SOX6: variants seen among roughly 807,000 people sequenced by gnomAD.
The protein encoded by SOX6 is SRY-box transcription factor 6.
Under a neutral mutation model 97.8 loss-of-function variants are expected in SOX6, and 11 were observed. The ratio of observed to expected loss-of-function variants is 0.11; its 90% CI spans 0.07 to 0.19. The LOEUF is 0.19. SOX6 is among the 10% of genes least tolerant of loss of function. The pLI, the probability that SOX6 is intolerant of heterozygous loss-of-function variation, is 1.00. For synonymous variants in SOX6, 360 were observed against 371.4 expected, an observed-to-expected ratio of 0.97 and a Z score of 0.35; for missense variants, 810 against 1,039.5, an observed-to-expected ratio of 0.78 and a Z score of 3.04.
intron 3 of SOX6, among the ~76,000 whole-genome samples, chr11:16,280,478 A>C (rs1044819281): frequency 2.0e-5 from 3 of 151,950 alleles, no homozygotes; most frequent in Non-Finnish European, 4.4e-5. Flanking sequence ...TATAATTGCA[A>C]GTTGTCAGTC....
intron 1 of SOX6, among the ~76,000 whole-genome samples, chr11:16,422,403 A>G (rs964949418): frequency 1.5e-4 from 23 of 152,192 alleles, no homozygotes; most frequent in African/African-American, 4.8e-4. Context: ...TTCATTATTC[A>G]CCATCAACAA....
intron 3 of SOX6, among the ~76,000 whole-genome samples, chr11:16,637,696 G>C (rs1349964213): frequency 9.2e-5 from 14 of 152,120 alleles, no homozygotes; most frequent in Admixed American, 9.2e-4. Flanking sequence ...CTAAGAATGA[G>C]GGTGGGTATT....
Position 16,186,944 on chromosome 11 carries a change from T to A in SOX6, c.547A>T (p.Ser183Cys). 1 of 1,613,774 alleles carries A rather than the reference T, an allele frequency of 6.2e-7. No individual in the cohort carries two copies. The highest frequency in any genetic ancestry group is 1.1e-5 in the South Asian group (1 of 91,082). The change falls in exon 5 of 16, where the codon AGC (serine) becomes TGC (cysteine). Residue 183 changes from serine to cysteine, a missense_variant. Coordinates refer to ENST00000683767, the MANE Select transcript of SOX6 (RefSeq NM_001367873.1). ...AGCTGCCGTTCTTTTTCTGCCAGGC[T>A]CTCAGGTGTACCTAAAATGGAAGCA... ...LLGEIKGTPE[S>C]LAEKERQLST...
chr11:16,458,477 C>G (rs1224421864), intron 1 of SOX6, among the ~76,000 whole-genome samples: 2 of 152,058 alleles, frequency 1.3e-5, no homozygotes, highest in African/African-American at 4.8e-5. Context: ...TAAGCAATCA[C>G]TTGGGAAATA....
At chr11:16,275,520 C>G (rs1565063872) in intron 3 of SOX6, among the ~76,000 whole-genome samples, 1 of 152,008 alleles carries the variant, frequency 6.6e-6, no homozygotes, top group Non-Finnish European at 1.5e-5. Flanking sequence ...GGAGTTAAGC[C>G]AATTGGTTAT....
At chr11:16,550,794 T>C (rs918669733) in intron 4 of SOX6, among the ~76,000 whole-genome samples, 4 of 152,176 alleles carry the variant, frequency 2.6e-5, no homozygotes, top group African/African-American at 9.7e-5. Flanking sequence ...GACTGTGATG[T>C]TAAAGATATT....
At chr11:15,979,631 C>T (rs1319096036) in intron 15 of SOX6, among the ~76,000 whole-genome samples, 2 of 152,074 alleles carry the variant, frequency 1.3e-5, no homozygotes, top group Non-Finnish European at 2.9e-5. Flanking sequence ...ACTCACTTTG[C>T]TCCTGTCATT....
At chr11:16,381,237 G>T (rs1474102677) in intron 1 of SOX6, among the ~76,000 whole-genome samples, 1 of 151,950 alleles carries the variant, frequency 6.6e-6, no homozygotes, top group African/African-American at 2.4e-5. Flanking sequence ...AAGAATTTCT[G>T]CAATAGGGTA....
intron 8 of SOX6, among the ~76,000 whole-genome samples, chr11:16,097,008 G>A (rs1263991591): frequency 6.6e-6 from 1 of 151,786 alleles, no homozygotes; most frequent in Non-Finnish European, 1.5e-5. Flanking sequence ...AAGATAAGGT[G>A]TAAATGATTT....
At chr11:16,243,574 T>C (rs1853254899) in intron 3 of SOX6, among the ~76,000 whole-genome samples, 1 of 151,922 alleles carries the variant, frequency 6.6e-6, no homozygotes, top group Non-Finnish European at 1.5e-5. Flanking sequence ...ATAAATTTAA[T>C]AAGTTTTGAC....
At chr11:16,199,252 A>G (rs1001605974) in intron 4 of SOX6, among the ~76,000 whole-genome samples, 1 of 152,204 alleles carries the variant, frequency 6.6e-6, no homozygotes, top group African/African-American at 2.4e-5. Flanking sequence ...TAGAAAATCA[A>G]ATCTAAGAGA....
Position 16,318,147 on chromosome 11 carries a change from G to C in SOX6, c.445+299C>G, listed in dbSNP as rs1855806511. The C allele has an allele frequency of 1.2e-5, 5 of 419,048 alleles. No homozygotes were observed. The East Asian group carries it at 2.7e-4, about 23-fold the overall frequency. The allele number at this position is 419,048 out of a possible 1,614,324, so 26.0% of individuals were successfully genotyped here. On this transcript the variant is annotated intron_variant, in intron 3 of 15. Transcript: ENST00000683767. ...AGAAAAAATGAAAAATAAAGTTGCAGTTAGGAAAATTCTCTTGTTACCTTT... is the reference window on the plus strand; with the variant it reads ...AGAAAAAATGAAAAATAAAGTTGCACTTAGGAAAATTCTCTTGTTACCTTT...
intron 4 of SOX6, among the ~76,000 whole-genome samples, chr11:16,538,320 A>G (rs1861341561): frequency 6.6e-6 from 1 of 152,238 alleles, no homozygotes; most frequent in African/African-American, 2.4e-5. Context: ...GAGCTCCTGA[A>G]GGAAGCACTA....
At chr11:16,715,143 G>T (rs1424208781) in intron 2 of SOX6, among the ~76,000 whole-genome samples, 3 of 152,132 alleles carry the variant, frequency 2.0e-5, no homozygotes, top group Admixed American at 2.0e-4. Flanking sequence ...ATAGCCACAT[G>T]GGGCTCTAAG....
At chr11:16,484,148 C>T (rs1412594418) in intron 4 of SOX6, 1 of 777,924 alleles carries the variant, frequency 1.3e-6, no homozygotes, top group East Asian at 2.4e-5. Flanking sequence ...ATCCTTTAAG[C>T]CAGGTTTATT....
At chr11:16,152,785 G>T (rs1409546928) in intron 6 of SOX6, among the ~76,000 whole-genome samples, 2 of 151,680 alleles carry the variant, frequency 1.3e-5, no homozygotes, top group Non-Finnish European at 2.9e-5. Flanking sequence ...TTTGAGACAG[G>T]GTCTCACTCT....
chr11:16,293,664 A>G (rs1352971034), intron 3 of SOX6, among the ~76,000 whole-genome samples: 1 of 152,118 alleles, frequency 6.6e-6, no homozygotes, highest in Non-Finnish European at 1.5e-5. Context: ...AGAGAATTGT[A>G]TTACAAAAGA....
intron 2 of SOX6, among the ~76,000 whole-genome samples, chr11:16,718,978 T>TAAAAAA (rs558276025): frequency 1.3e-4 from 11 of 86,714 alleles, no homozygotes; most frequent in Non-Finnish European, 1.9e-4. Context: ...TTTTTAAAAT[T>TAAAAAA]AAAAAAAAAA....
At chr11:16,698,930 A>C (rs898074796) in intron 3 of SOX6, among the ~76,000 whole-genome samples, 2 of 152,232 alleles carry the variant, frequency 1.3e-5, no homozygotes, top group Non-Finnish European at 2.9e-5. Flanking sequence ...ACAATAATGA[A>C]AAAGGTTGAA....
Sources: gnomAD v4.1 joint callset for allele counts (sites outside exome capture counted in the v4.1 genomes callset) on GRCh38, gnomAD v4.1.1 for gene constraint, MANE v1.5 for transcripts, NCBI Gene and HGNC (gene_info 2026-07-23, HGNC 2026-07-21) for gene names.